S100Z: variants seen among roughly 807,000 people sequenced by gnomAD.
S100Z encodes the protein S100 calcium binding protein Z, also known as protein S100-Z.
A neutral mutation model predicts 8.5 loss-of-function variants in S100Z; 11 were observed. The ratio of observed to expected loss-of-function variants is 1.30; its 90% confidence interval spans 0.82 to 2.15. The LOEUF (loss-of-function observed/expected upper bound fraction) is 2.15, where lower values mean the gene tolerates loss of function less well. Among genes scored for constraint, S100Z ranks in the 30% most tolerant of loss-of-function variants. S100Z has a pLI of 0.00. For synonymous variants in S100Z, 34 were observed against 43.8 expected (o/e 0.78, Z 0.89); for missense variants, 126 against 117.9 (o/e 1.07, Z -0.32).
chr5:76,851,992 G>A lies in S100Z; in HGVS notation c.-176+1837G>A, dbSNP rs150575131. ...TGTTGGGTTTTGGTGGGTTTTGTTT[G>A]TTTGTCTTGAGTTGCAGTCTTAAAA... On this transcript the variant is annotated intron_variant, in intron 1 of 4. Transcript: ENST00000317593. Among the ~76,000 whole-genome samples, 558 of 151,918 alleles carry A rather than the reference G, an allele frequency of 3.7e-3. 8 individuals carry two copies. Among genetic ancestry groups the A allele is most frequent in the Non-Finnish European group, 1.3e-3 (89 of 67,932 alleles).
At chr5:76,905,257 A>C (rs75752166) in intron 4 of S100Z, among the ~76,000 whole-genome samples, 89 of 152,252 alleles carry the variant, frequency 5.8e-4, no homozygotes, top group East Asian at 3.1e-3. Context: ...GCTGGCTTCA[A>C]ACTCCTGGGT....
intron 4 of S100Z, among the ~76,000 whole-genome samples, chr5:76,903,728 G>T (rs562983364): frequency 1.2e-3 from 164 of 137,660 alleles, no homozygotes; most frequent in African/African-American, 4.6e-3. Flanking sequence ...TTCTTTTTTT[G>T]TTGTTTTTTT....
chr5:76,882,704 G>A (rs1199223260), intron 4 of S100Z, among the ~76,000 whole-genome samples: 1 of 152,210 alleles, frequency 6.6e-6, no homozygotes, highest in South Asian at 2.1e-4. Flanking sequence ...GGATGAGGAA[G>A]AAATTTGGGC....
intron 2 of S100Z, among the ~76,000 whole-genome samples, 187 bp from the exon 3 acceptor site, chr5:76,875,117 T>A (rs1743139134): frequency 6.6e-6 from 1 of 152,180 alleles, no homozygotes; most frequent in African/African-American, 2.4e-5. Flanking sequence ...GGTCTCGATC[T>A]TCTGACCTTG....
intron 4 of S100Z, among the ~76,000 whole-genome samples, chr5:76,915,329 C>T (rs1187258459): frequency 4.5e-5 from 6 of 134,388 alleles, no homozygotes; most frequent in East Asian, 2.2e-4. Flanking sequence ...AAATGCTGGG[C>T]GTGATGGCTC....
the S100Z span, among the ~76,000 whole-genome samples, chr5:76,949,542 T>C: frequency 1.6e-4 from 24 of 152,164 alleles, no homozygotes; most frequent in African/African-American, 5.8e-4. Flanking sequence ...GTATTCACAA[T>C]AGCTAAGATG....
chr5:76,890,710 T>C (rs1743828596), intron 4 of S100Z, among the ~76,000 whole-genome samples: 1 of 152,060 alleles, frequency 6.6e-6, no homozygotes, highest in African/African-American at 2.4e-5. Flanking sequence ...GTTTGTGGCA[T>C]CCCTAGGGTG....
chr5:76,928,264 C>T, the S100Z span, among the ~76,000 whole-genome samples: 9 of 152,162 alleles, frequency 5.9e-5, no homozygotes, highest in Non-Finnish European at 5.9e-5. Flanking sequence ...ATCTCCCCAA[C>T]GCAGAGGACC....
At position 76,880,900 on chromosome 5, in the gene S100Z, C is replaced by T. The variant is rs950004083; in HGVS notation, c.*2+3066C>T. On this transcript the variant is annotated intron_variant, in intron 4 of 4. Transcript: ENST00000317593. ...AGTACCCCTTTTTTAGTCAGGGCCT[C>T]GGGAATTTTGGAGGAAAGAGAAAAG... is the stretch of plus-strand genomic sequence containing the variant. Among the ~76,000 whole-genome samples, 10 of 152,012 alleles carry T rather than the reference C, an allele frequency of 6.6e-5. No individual in the cohort carries two copies. In the East Asian group the frequency reaches 7.7e-4, roughly 12 times the overall value.
chr5:76,859,696 C>T (rs533359900), intron 1 of S100Z, among the ~76,000 whole-genome samples: 11 of 142,710 alleles, frequency 7.7e-5, no homozygotes, highest in Non-Finnish European at 1.4e-4. Context: ...GCAGAAGAAT[C>T]GCTTGAACCC....
intron 1 of S100Z, among the ~76,000 whole-genome samples, chr5:76,865,308 G>A (rs1179825020): frequency 4.8e-5 from 7 of 146,766 alleles, no homozygotes; most frequent in Non-Finnish European, 7.4e-5. Flanking sequence ...GCAGTGGTGC[G>A]ATCTTGGCTC....
intron 4 of S100Z, among the ~76,000 whole-genome samples, chr5:76,880,256 TTAC>T (rs1348787502): frequency 1.3e-5 from 2 of 152,232 alleles, no homozygotes; most frequent in Non-Finnish European, 2.9e-5. Flanking sequence ...GGATCTTCAG[TTAC>T]TTCAGGCCAT....
At chr5:76,876,880 C>G (rs1476156160) in intron 3 of S100Z, among the ~76,000 whole-genome samples, 1 of 152,158 alleles carries the variant, frequency 6.6e-6, no homozygotes, top group Non-Finnish European at 1.5e-5. Flanking sequence ...AAACACTCCT[C>G]ATCAACACCA....
At chr5:76,862,201 G>C (rs1305888090) in intron 1 of S100Z, among the ~76,000 whole-genome samples, 2 of 151,540 alleles carry the variant, frequency 1.3e-5, no homozygotes, top group Admixed American at 1.3e-4. Flanking sequence ...AAGTAGAGTA[G>C]CCTAATGAAC....
chr5:76,858,957 A>C (rs541142848), intron 1 of S100Z, among the ~76,000 whole-genome samples: 1 of 150,120 alleles, frequency 6.7e-6, no homozygotes, highest in South Asian at 2.2e-4. Flanking sequence ...CTAAAAATAC[A>C]AAAAAAATTA....
intron 3 of S100Z, among the ~76,000 whole-genome samples, chr5:76,876,298 T>C (rs1001159439): frequency 2.0e-5 from 3 of 152,154 alleles, no homozygotes; most frequent in African/African-American, 7.2e-5. Flanking sequence ...TAACTTAGTC[T>C]TCACGACATT....
At chr5:76,942,266 C>T in the S100Z span, among the ~76,000 whole-genome samples, 2 of 151,892 alleles carry the variant, frequency 1.3e-5, no homozygotes, top group African/African-American at 4.8e-5. Context: ...CGCCCGCCAC[C>T]ATGCCTGGCT....
chr5:76,857,038 CT>C, intron 1 of S100Z, among the ~76,000 whole-genome samples: 1 of 152,242 alleles, frequency 6.6e-6, no homozygotes, highest in South Asian at 2.1e-4. Context: ...TGGCTCATGC[CT>C]TTCCAGCACT....
intron 1 of S100Z, among the ~76,000 whole-genome samples, chr5:76,862,541 G>A (rs994422873): frequency 3.3e-5 from 5 of 152,120 alleles, no homozygotes; most frequent in African/African-American, 1.2e-4. Flanking sequence ...GCTCACGCCT[G>A]TAATCCCAGC....
Sources: gnomAD v4.1 joint callset for allele counts (sites outside exome capture counted in the v4.1 genomes callset) on GRCh38, gnomAD v4.1.1 for gene constraint, MANE v1.5 for transcripts, NCBI Gene and HGNC (gene_info 2026-07-23, HGNC 2026-07-21) for gene names.